CFAP97D2: variants seen among roughly 807,000 people sequenced by gnomAD.
The protein encoded by CFAP97D2 is uncharacterized protein CFAP97D2.
rs1341192111 is a variant in CFAP97D2, at chr13:114,211,971, T to A, written c.350T>A (p.Phe117Tyr). ...AGAGTGCGGAAGAAAACACGGCCATTCTGGAAGGAATCACACACTCAGAAC... is the reference window on the plus strand; with the variant it reads ...AGAGTGCGGAAGAAAACACGGCCATACTGGAAGGAATCACACACTCAGAAC... The change falls in exon 4 of 5, where the codon TTC becomes TAC. Residue 117 changes from phenylalanine to tyrosine, a missense_variant. Physicochemically the swap from Phe to Tyr is conservative, Grantham distance 22. Coordinates refer to ENST00000646158, the Ensembl canonical transcript of CFAP97D2. The surrounding 1 kb of genome is among the most constrained non-coding windows in gnomAD (Gnocchi z 4.2). 1 of 398,622 alleles carries A rather than the reference T, an allele frequency of 2.5e-6. No homozygotes were observed. Among genetic ancestry groups the A allele is most frequent in the Non-Finnish European group, 4.4e-6 (1 of 226,168 alleles). 24.7% of individuals were successfully genotyped at this position (398,622 alleles called of 1,614,324 possible).
chr13:114,209,437 C>T (rs1338507629), intron 3 of CFAP97D2, among the ~76,000 whole-genome samples: 4 of 152,202 alleles, frequency 2.6e-5, no homozygotes, highest in African/African-American at 9.6e-5. Flanking sequence ...TCAAGTACAA[C>T]ACCTTTCTCC....
intron 4 of CFAP97D2, among the ~76,000 whole-genome samples, chr13:114,215,115 C>T (rs1370678491): frequency 6.6e-6 from 1 of 152,140 alleles, no homozygotes; most frequent in African/African-American, 2.4e-5. Context: ...TAATTGCCCC[C>T]CACAAACAGT....
rs563948227 is a variant in CFAP97D2, at chr13:114,212,214, T to C, written c.480+113T>C. The C allele has an allele frequency of 1.4e-4, 57 of 397,322 alleles. No homozygotes were observed. In the South Asian group the frequency reaches 7.5e-3, roughly 53 times the overall value. The allele number at this position is 397,322 out of a possible 1,614,324, so 24.6% of individuals were successfully genotyped here. ...ACTCATTCTTTGCCGTATTAGAGCA[T>C]TTTGTTCAATTGTCAGCAAGGATAT... On this transcript the variant is annotated intron_variant, in intron 4 of 4. Transcript: ENST00000646158.
chr13:114,213,554 C>T (rs376265341), intron 4 of CFAP97D2, among the ~76,000 whole-genome samples: 3 of 139,218 alleles, frequency 2.2e-5, no homozygotes, highest in African/African-American at 8.2e-5. Flanking sequence ...GCACCATGAA[C>T]CCCACCCCTA....
intron 3 of CFAP97D2, among the ~76,000 whole-genome samples, chr13:114,202,542 C>CA (rs2080922879): frequency 6.6e-6 from 1 of 152,240 alleles, no homozygotes; most frequent in African/African-American, 2.4e-5. Context: ...GCTGTCTCCC[C>CA]ACTGCTTCCA....
At position 114,179,904 on chromosome 13, in the gene CFAP97D2, G is replaced by C. The variant is rs569624401; in HGVS notation, c.90+484G>C. Among the ~76,000 whole-genome samples the C allele has an allele frequency of 7.2e-5, 11 of 152,270 alleles. No homozygotes were observed. The highest frequency in any genetic ancestry group is 2.4e-4 in the African/African-American group (10 of 41,540). On this transcript the variant is annotated intron_variant, in intron 1 of 4. Coordinates refer to ENST00000646158, the Ensembl canonical transcript of CFAP97D2. This position sits in a 1 kb window ranked among gnomAD's most constrained non-coding sequence, Gnocchi z 4.8. ...GATTTCAGGTGATCCACCTGCCTCA[G>C]CCTCCCAAAGTGCTGGGATTACAGG... is the stretch of plus-strand genomic sequence containing the variant.
intron 3 of CFAP97D2, among the ~76,000 whole-genome samples, chr13:114,200,710 G>C (rs1049369731): frequency 6.6e-6 from 1 of 152,242 alleles, no homozygotes; most frequent in Non-Finnish European, 1.5e-5. Context: ...ACACTCCTCT[G>C]AACCTGCTAA....
At chr13:114,191,347 G>A (rs1336814381) in intron 1 of CFAP97D2, among the ~76,000 whole-genome samples, 2 of 152,220 alleles carry the variant, frequency 1.3e-5, no homozygotes, top group Non-Finnish European at 2.9e-5. Flanking sequence ...TATAGACTGG[G>A]AGAAAATATT....
chr13:114,222,929 T>C (rs187569064), downstream of CFAP97D2: 108 of 176,392 alleles, frequency 6.1e-4, no homozygotes, highest in African/African-American at 2.5e-3. This position sits in a 1 kb window ranked among gnomAD's most constrained non-coding sequence, Gnocchi z 4.4. Flanking sequence ...TTGTTTTCTC[T>C]AGCTATGAAG....
chr13:114,180,565 C>T (rs781322287), intron 1 of CFAP97D2, among the ~76,000 whole-genome samples: 1 of 152,188 alleles, frequency 6.6e-6, no homozygotes, highest in African/African-American at 2.4e-5. Flanking sequence ...CCTGTTGCCA[C>T]GTGATTGATG....
intron 1 of CFAP97D2, among the ~76,000 whole-genome samples, chr13:114,182,228 T>C (rs147634119): frequency 0.084 from 12,376 of 147,944 alleles, 740 homozygotes; most frequent in Middle Eastern, 0.17. Context: ...TATGCCTGGA[T>C]GTGCACGTAG....
intron 4 of CFAP97D2, among the ~76,000 whole-genome samples, chr13:114,217,647 T>C (rs1054762231): frequency 2.6e-5 from 4 of 152,118 alleles, no homozygotes; most frequent in Admixed American, 6.6e-5. Context: ...GCAAACCGAA[T>C]CCAGCAGCAC....
Position 114,188,537 on chromosome 13 carries a change from C to T in CFAP97D2, c.91-7859C>T, listed in dbSNP as rs544735690. On this transcript the variant is annotated intron_variant, in intron 1 of 4. Transcript: ENST00000646158. ...TCATGCCTGTAATCCCAGCCCTTTA[C>T]GAGGCCGAGGCGGGCGGATCATGAG... Among the ~76,000 whole-genome samples, 32 of 151,952 alleles carry T rather than the reference C, an allele frequency of 2.1e-4. 1 individual carries two copies. The highest frequency in any genetic ancestry group is 3.6e-4 in the African/African-American group (15 of 41,474).
intron 4 of CFAP97D2, among the ~76,000 whole-genome samples, chr13:114,213,475 C>T (rs914664067): frequency 2.0e-5 from 3 of 150,298 alleles, no homozygotes; most frequent in African/African-American, 7.4e-5. Context: ...CCTGTGGAAG[C>T]TCCAGGACCA....
rs76940477 is a variant in CFAP97D2, at chr13:114,203,677, A to G, written c.290+3234A>G. On this transcript the variant is annotated intron_variant, in intron 3 of 4. Coordinates refer to ENST00000646158, the Ensembl canonical transcript of CFAP97D2. This position sits in a 1 kb window ranked among gnomAD's most constrained non-coding sequence, Gnocchi z 4.3. ...CCTGCTAACAGGCTCCCACCTCACA[A>G]ATGGAATCCCAGGCCACCACACAGG... is the stretch of plus-strand genomic sequence containing the variant. 3.7e-4 allele frequency among the ~76,000 whole-genome samples: 56 copies of G among 152,360 alleles called. No individual in the cohort carries two copies. The highest frequency in any genetic ancestry group is 1.3e-3 in the African/African-American group (54 of 41,584).
In CFAP97D2 at chr13:114,185,292, C is replaced by T. The variant is rs549616817; in HGVS notation, c.90+5872C>T. ...CCCTGGAACCTGTCACCCTAAGAGC[C>T]GCTGTGATGGAGCCAGGCCGAGCTG... On this transcript the variant is annotated intron_variant, in intron 1 of 4. Coordinates refer to ENST00000646158, the Ensembl canonical transcript of CFAP97D2. This position sits in a 1 kb window ranked among gnomAD's most constrained non-coding sequence, Gnocchi z 5.2. Among the ~76,000 whole-genome samples, 26 of 152,312 alleles carry T rather than the reference C, an allele frequency of 1.7e-4. 1 individual carries two copies. Among genetic ancestry groups the T allele is most frequent in the Middle Eastern group, 3.4e-3 (1 of 292 alleles).
chr13:114,179,623 T>C lies in CFAP97D2; in HGVS notation c.90+203T>C, dbSNP rs1018237207. ...ATTAAATAGTTGACGGCTTTCTTTCTTTCTTTTTTTTTTTTGAGATGACAG... is the reference window on the plus strand; with the variant it reads ...ATTAAATAGTTGACGGCTTTCTTTCCTTCTTTTTTTTTTTTGAGATGACAG... On this transcript the variant is annotated intron_variant, in intron 1 of 4. Transcript: ENST00000646158. This position sits in a 1 kb window ranked among gnomAD's most constrained non-coding sequence, Gnocchi z 4.8. Among the ~76,000 whole-genome samples, 3 of 152,040 alleles carry C rather than the reference T, an allele frequency of 2.0e-5. No individual in the cohort carries two copies. The highest frequency in any genetic ancestry group is 7.2e-5 in the African/African-American group (3 of 41,430).
intron 2 of CFAP97D2, 106 bp downstream of exon 2, chr13:114,196,582 C>A: frequency 2.5e-6 from 1 of 396,374 alleles, no homozygotes; most frequent in South Asian, 1.4e-4. Flanking sequence ...ATAAACTCAC[C>A]GAAGACAAAA....
chr13:114,181,519 C>G (rs1221534448), intron 1 of CFAP97D2, among the ~76,000 whole-genome samples: 1 of 152,172 alleles, frequency 6.6e-6, no homozygotes, highest in African/African-American at 2.4e-5. Flanking sequence ...GGGCAAGCTA[C>G]AGCAGAAGGG....
Sources: allele counts gnomAD v4.1 joint callset (sites outside exome capture counted in the v4.1 genomes callset), GRCh38; gene constraint gnomAD v4.1.1; non-coding constraint Gnocchi (gnomAD v3.1); transcripts MANE v1.5; gene names NCBI Gene and HGNC (gene_info 2026-07-23, HGNC 2026-07-21).